SERGEF: variants seen among roughly 807,000 people sequenced by gnomAD.
The protein encoded by SERGEF is secretion regulating guanine nucleotide exchange factor.
A neutral mutation model predicts 50.0 loss-of-function variants in SERGEF; 51 were observed. The observed-to-expected ratio is 1.02, with a 90% CI of 0.81 to 1.29. The LOEUF (loss-of-function observed/expected upper bound fraction) is 1.29, where lower values mean the gene tolerates loss of function less well. Ranked by LOEUF, SERGEF falls within the 50% of genes most tolerant of loss-of-function variation. SERGEF has a pLI of 0.00. For missense variants in SERGEF, 521 were observed against 557.0 expected, an observed-to-expected ratio of 0.94 and a Z score of 0.65; for synonymous variants, 205 against 212.4, an observed-to-expected ratio of 0.97 and a Z score of 0.30.
chr11:17,804,468 A>G (rs543793567), intron 10 of SERGEF, among the ~76,000 whole-genome samples: 60 of 152,216 alleles, frequency 3.9e-4, no homozygotes, highest in Non-Finnish European at 1.8e-4. Flanking sequence ...CTTCCCTAGA[A>G]GAGAAGTCAG....
intron 9 of SERGEF, 76 bp from the exon 10 acceptor site, chr11:17,878,320 A>G (rs1851277111): frequency 8.4e-7 from 1 of 1,191,574 alleles, no homozygotes; most frequent in Admixed American, 2.4e-5. Context: ...GTTCTTTTCT[A>G]ATGACACTAA....
chr11:17,986,558 C>T (rs924192633), intron 8 of SERGEF, among the ~76,000 whole-genome samples: 3 of 152,234 alleles, frequency 2.0e-5, no homozygotes, highest in Non-Finnish European at 4.4e-5. Context: ...ACCTCCCACC[C>T]CAAGGGCTGG....
chr11:17,990,456 C>T (rs920739654), intron 7 of SERGEF, among the ~76,000 whole-genome samples: 11 of 152,178 alleles, frequency 7.2e-5, no homozygotes, highest in African/African-American at 2.7e-4. Context: ...AGATCTCTTA[C>T]AAGATAGCAA....
At chr11:17,965,961 G>A (rs767618013) in intron 8 of SERGEF, among the ~76,000 whole-genome samples, 11 of 152,194 alleles carry the variant, frequency 7.2e-5, no homozygotes, top group South Asian at 2.1e-4. Flanking sequence ...ACTAACTAGT[G>A]AATGGCCATT....
At chr11:17,983,899 A>C (rs1294994770) in intron 8 of SERGEF, among the ~76,000 whole-genome samples, 1 of 152,008 alleles carries the variant, frequency 6.6e-6, no homozygotes, top group Non-Finnish European at 1.5e-5. Context: ...AATAGAGGGA[A>C]TATCAGGTGC....
chr11:17,887,001 TCCAGTTG>T (rs1337105529), intron 9 of SERGEF, among the ~76,000 whole-genome samples: 2 of 152,082 alleles, frequency 1.3e-5, no homozygotes, highest in East Asian at 3.9e-4. Flanking sequence ...GAGTGAGTCC[TCCAGTTG>T]GTAGCTGGAG....
chr11:17,925,737 C>A (rs987653662), intron 9 of SERGEF, among the ~76,000 whole-genome samples: 3 of 152,122 alleles, frequency 2.0e-5, no homozygotes, highest in African/African-American at 4.8e-5. Flanking sequence ...TTAATAGATA[C>A]CAAAAATTAA....
intron 8 of SERGEF, among the ~76,000 whole-genome samples, chr11:17,986,786 C>CA (rs1853608761): frequency 6.6e-6 from 1 of 152,212 alleles, no homozygotes; most frequent in Admixed American, 6.5e-5. Flanking sequence ...TGTGAACACC[C>CA]AATCACTCAA....
intron 10 of SERGEF, among the ~76,000 whole-genome samples, chr11:17,812,061 C>T (rs559863728): frequency 9.8e-5 from 15 of 152,340 alleles, no homozygotes; most frequent in African/African-American, 3.6e-4. Context: ...TCCTGCCCCC[C>T]TCCATCTGCA....
At chr11:17,988,534 G>A in intron 8 of SERGEF, 63 bp downstream of exon 8, 1 of 1,545,172 alleles carries the variant, frequency 6.5e-7, no homozygotes, top group Non-Finnish European at 8.9e-7. Flanking sequence ...AGCACTCATG[G>A]CTGCTTAGAC....
chr11:17,827,286 T>G (rs1300764214), intron 10 of SERGEF, among the ~76,000 whole-genome samples: 1 of 152,162 alleles, frequency 6.6e-6, no homozygotes, highest in Non-Finnish European at 1.5e-5. Flanking sequence ...GCCAGGGGAC[T>G]GCATCAGGGC....
In SERGEF at chr11:17,880,102, C is replaced by G. The variant is rs377288047; in HGVS notation, c.1012-1858G>C. ...TCCTAGGCTTTTTCCTGTGTAGAAG[C>G]TGTGCTTCCCAGATCCCAGCTTCCA... On this transcript the variant is annotated intron_variant, in intron 9 of 10. Coordinates refer to ENST00000265965, the MANE Select transcript of SERGEF (RefSeq NM_012139.4). Among the ~76,000 whole-genome samples, 22 of 152,344 alleles carry G rather than the reference C, an allele frequency of 1.4e-4. No individual in the cohort carries two copies. In the South Asian group the frequency reaches 4.6e-3, roughly 32 times the overall value.
At chr11:17,933,323 C>T (rs917362971) in intron 9 of SERGEF, among the ~76,000 whole-genome samples, 3 of 152,176 alleles carry the variant, frequency 2.0e-5, no homozygotes, top group Non-Finnish European at 2.9e-5. Flanking sequence ...CAATTCACTA[C>T]TAGTCCTCAT....
At chr11:17,973,815 A>G (rs903651991) in intron 8 of SERGEF, among the ~76,000 whole-genome samples, 1 of 152,200 alleles carries the variant, frequency 6.6e-6, no homozygotes, top group African/African-American at 2.4e-5. Context: ...GAAGATGCCA[A>G]TGGAGATAAT....
intron 5 of SERGEF, chr11:17,999,507 C>T (rs2134007155): frequency 2.2e-6 from 1 of 451,334 alleles, no homozygotes; most frequent in Middle Eastern, 3.3e-4. Context: ...CTCTCTCCTT[C>T]CTCCACTCCA....
chr11:17,882,906 G>T (rs1851361121), intron 9 of SERGEF, among the ~76,000 whole-genome samples: 2 of 152,158 alleles, frequency 1.3e-5, no homozygotes, highest in South Asian at 4.1e-4. Context: ...ACAGAAGTCA[G>T]TTACAGGAAA....
At chr11:18,012,271 G>A (rs1397838666) in intron 1 of SERGEF, among the ~76,000 whole-genome samples, 1 of 152,208 alleles carries the variant, frequency 6.6e-6, no homozygotes, top group Admixed American at 6.5e-5. Flanking sequence ...AGAAGCACAA[G>A]ACGCAGCGAC....
intron 10 of SERGEF, among the ~76,000 whole-genome samples, chr11:17,825,215 G>A (rs1850170778): frequency 6.6e-6 from 1 of 152,064 alleles, no homozygotes; most frequent in African/African-American, 2.4e-5. Context: ...TGACCTCTAG[G>A]GGCTTATAGT....
chr11:17,995,733 C>T, intron 6 of SERGEF, 63 bp downstream of exon 6: 1 of 1,116,460 alleles, frequency 9.0e-7, no homozygotes, highest in Non-Finnish European at 1.3e-6. Context: ...TCCTCTTCTG[C>T]ATGTTTATGT....
Sources: allele counts gnomAD v4.1 joint callset (sites outside exome capture counted in the v4.1 genomes callset), GRCh38; gene constraint gnomAD v4.1.1; transcripts MANE v1.5; gene names NCBI Gene and HGNC (gene_info 2026-07-23, HGNC 2026-07-21).